TBC1D2B: variants seen among roughly 807,000 people sequenced by gnomAD.
TBC1D2B encodes TBC1 domain family, member 2B.
TBC1D2B carries 64 observed loss-of-function variants against 100.8 expected under a neutral mutation model. The ratio of observed to expected loss-of-function variants is 0.64; its 90% CI spans 0.52 to 0.78. The LOEUF is 0.78. TBC1D2B is among the 30% of genes least tolerant of loss of function. The pLI, the probability that TBC1D2B is intolerant of heterozygous loss-of-function variation, is 0.00. For synonymous variants in TBC1D2B, 480 were observed against 479.7 expected (o/e 1.00, Z -0.01); for missense variants, 1,052 against 1,218.4 (o/e 0.86, Z 2.03).
At chr15:78,060,267 T>C (rs930584738) in intron 1 of TBC1D2B, among the ~76,000 whole-genome samples, 1 of 152,158 alleles carries the variant, frequency 6.6e-6, no homozygotes, top group African/African-American at 2.4e-5. Context: ...AAGCAAACAT[T>C]TTCCTTTATG....
At chr15:78,005,515 G>A (rs896807019) in intron 10 of TBC1D2B, among the ~76,000 whole-genome samples, 7 of 152,184 alleles carry the variant, frequency 4.6e-5, no homozygotes, top group Non-Finnish European at 7.3e-5. Context: ...AATGGCCATC[G>A]ATAAGTGGGA....
chr15:78,016,981 C>T (rs2072393568), intron 7 of TBC1D2B: 2 of 436,476 alleles, frequency 4.6e-6, no homozygotes, highest in Admixed American at 4.1e-5. Flanking sequence ...TGGATGCCAA[C>T]AAATGCATCA....
At chr15:77,999,376 A>G in intron 12 of TBC1D2B, 1 of 439,148 alleles carries the variant, frequency 2.3e-6, no homozygotes, top group Non-Finnish European at 4.7e-6. Context: ...TATGTTTCAA[A>G]ACACCCACTA....
chr15:78,009,753 T>C (rs1195557033), intron 9 of TBC1D2B, among the ~76,000 whole-genome samples: 1 of 152,152 alleles, frequency 6.6e-6, no homozygotes, highest in Non-Finnish European at 1.5e-5. Flanking sequence ...GGCGGGCAGA[T>C]CACGAGGTCA....
chr15:78,021,002 C>T lies in TBC1D2B; in HGVS notation c.1471-3045G>A, dbSNP rs530864661. On this transcript the variant is annotated intron_variant, in intron 6 of 12. Coordinates refer to ENST00000300584, the MANE Select transcript of TBC1D2B (RefSeq NM_144572.2). ...GGCCACAGTGTTGAATGGAACAATC[C>T]GAAAGTCCATACACTTCAAAAATGG... Among the ~76,000 whole-genome samples, 50 of 152,182 alleles carry T rather than the reference C, an allele frequency of 3.3e-4. 1 individual carries two copies. Among genetic ancestry groups the T allele is most frequent in the African/African-American group, 1.1e-3 (44 of 41,502 alleles).
chr15:78,039,204 C>T (rs571718507), intron 3 of TBC1D2B, among the ~76,000 whole-genome samples: 34 of 152,312 alleles, frequency 2.2e-4, no homozygotes, highest in Admixed American at 2.2e-3. Flanking sequence ...TCACAAGTAC[C>T]ACATTACGGC....
In TBC1D2B at chr15:78,003,538, C is replaced by T. The variant is rs373947532; in HGVS notation, c.2389-48G>A. The stretch of plus-strand genomic sequence containing the variant: ...AAGTGTATCAGGCCTGCCAGGTCAC[C>T]GGGTAAGCAGACGAGCAGACGCGCA... On this transcript the variant is annotated intron_variant, in intron 10 of 12. Coordinates refer to ENST00000300584, the MANE Select transcript of TBC1D2B (RefSeq NM_144572.2). The T allele has an allele frequency of 2.0e-4, 295 of 1,505,428 alleles. 1 individual carries two copies. Among genetic ancestry groups the T allele is most frequent in the Non-Finnish European group, 2.5e-4 (276 of 1,089,090 alleles). 93.3% of individuals were successfully genotyped at this position (1,505,428 alleles called of 1,614,324 possible). A position where few individuals can be genotyped will look rare whatever the true frequency, so the allele number is the denominator to read the frequency against.
chr15:78,057,342 C>CA lies in TBC1D2B; in HGVS notation c.361-3156dup, dbSNP rs946995888. On this transcript the variant is annotated intron_variant, in intron 1 of 12. Coordinates refer to ENST00000300584, the MANE Select transcript of TBC1D2B (RefSeq NM_144572.2). The stretch of plus-strand genomic sequence containing the variant: ...CTGATTAACTGGGTTTGTTTCCTTT[C>CA]AAAAAAAAAACCTAAACAGGCTGCT... Among the ~76,000 whole-genome samples, 196 of 148,188 alleles carry CA rather than the reference C, an allele frequency of 1.3e-3. 1 individual carries two copies. Among genetic ancestry groups the CA allele is most frequent in the African/African-American group, 3.8e-3 (152 of 40,508 alleles).
chr15:78,077,548 C>A lies in TBC1D2B; in HGVS notation c.105G>T (p.Ala35=). 6.8e-7 allele frequency: 1 copy of A among 1,468,446 alleles called. No individual in the cohort carries two copies. Among genetic ancestry groups the A allele is most frequent in the South Asian group, 1.3e-5 (1 of 76,480 alleles). The allele number at this position is 1,468,446 out of a possible 1,614,324, so 91.0% of individuals were successfully genotyped here. The change falls in exon 1 of 13, where the codon GCG becomes GCT. Residue 35 remains alanine (A), a synonymous_variant. Transcript: ENST00000300584. ...EPGAGPAREP[A]RLCGYLQKLS... is the part of the protein sequence containing the mutation. ...GCTTCTGCAGATAGCCACACAGCCG[C>A]GCTGGCTCCCGCGCCGGACCCGCCC...
chr15:78,075,414 G>A (rs1436584862), intron 1 of TBC1D2B, among the ~76,000 whole-genome samples: 1 of 152,070 alleles, frequency 6.6e-6, no homozygotes, highest in Non-Finnish European at 1.5e-5. Flanking sequence ...TAGCCAGGAT[G>A]GTCTCGAGCT....
At chr15:78,005,024 T>C (rs753846744) in intron 10 of TBC1D2B, among the ~76,000 whole-genome samples, 1 of 152,170 alleles carries the variant, frequency 6.6e-6, no homozygotes, top group East Asian at 1.9e-4. Context: ...CTAATGATGA[T>C]GTAATTCATT....
At chr15:78,067,591 C>A (rs527304831) in intron 1 of TBC1D2B, among the ~76,000 whole-genome samples, 2 of 152,248 alleles carry the variant, frequency 1.3e-5, no homozygotes, top group Non-Finnish European at 2.9e-5. Context: ...CACGGCCAGG[C>A]CTGCCATCTG....
intron 3 of TBC1D2B, among the ~76,000 whole-genome samples, chr15:78,044,495 T>C (rs958382536): frequency 2.6e-5 from 4 of 151,980 alleles, no homozygotes; most frequent in Admixed American, 6.5e-5. Flanking sequence ...AAACAGAGAA[T>C]GGAAATCCAG....
At chr15:78,010,458 G>C (rs2072194516) in intron 9 of TBC1D2B, among the ~76,000 whole-genome samples, 1 of 152,046 alleles carries the variant, frequency 6.6e-6, no homozygotes, top group African/African-American at 2.4e-5. Flanking sequence ...CCATTTCTCA[G>C]AATATTTTTC....
At chr15:78,046,611 C>T (rs2073200768) in intron 2 of TBC1D2B, among the ~76,000 whole-genome samples, 1 of 152,026 alleles carries the variant, frequency 6.6e-6, no homozygotes, top group Admixed American at 6.6e-5. Context: ...GGACTACAGG[C>T]ACGCACGATG....
In TBC1D2B at chr15:78,030,030, T is replaced by G. The variant is rs1245534319; in HGVS notation, c.824A>C (p.Lys275Thr). 7 of 1,608,726 alleles carry G rather than the reference T, an allele frequency of 4.4e-6. No homozygotes were observed. In the East Asian group the frequency reaches 1.3e-4, roughly 31 times the overall value. The change falls in exon 4 of 13, where the codon AAG becomes ACG. Residue 275 changes from lysine to threonine, a missense_variant. Physicochemically the swap from Lys to Thr is moderately conservative, Grantham distance 78. Coordinates refer to ENST00000300584, the MANE Select transcript of TBC1D2B (RefSeq NM_144572.2). ...ACCTTTGTTTCCTTCAGGGGTCAGC[T>G]TCTTCTTTTCTTCCTGTACTATGGA... ...EESIVQEEKK[K>T]LTPEGNKGVT...
chr15:78,038,447 C>T (rs1391719528), intron 3 of TBC1D2B, among the ~76,000 whole-genome samples: 1 of 152,152 alleles, frequency 6.6e-6, no homozygotes, highest in African/African-American at 2.4e-5. Flanking sequence ...AAGACATACA[C>T]CTGAAGAACT....
chr15:78,034,482 C>T (rs1452411965), intron 3 of TBC1D2B: 1 of 985,166 alleles, frequency 1.0e-6, no homozygotes, highest in Non-Finnish European at 1.2e-6. Context: ...TACCATTTGC[C>T]CTAGCTGTCA....
At position 78,054,044 on chromosome 15, in the gene TBC1D2B, T is replaced by G. The variant is rs2073368978; in HGVS notation, c.504A>C (p.Arg168Ser). Residue 168 changes from arginine to serine, a missense_variant, in exon 2 of 13, where the codon AGA (arginine) becomes AGC (serine). Arg to Ser is a moderately radical substitution (Grantham distance 110). Around this residue, in one of 4 missense-constraint regions of TBC1D2B, gnomAD observed 627 missense variants for 646.1 expected, o/e 0.97. Coordinates refer to ENST00000300584, the MANE Select transcript of TBC1D2B (RefSeq NM_144572.2). ...PGDFPKGLVA[R>S]DNTDLIYPHP... ...TTATTTCTGCCTTACCAGTGTTATC[T>G]CTGGCTACAAGACCCTTAGGAAAAT... is the stretch of plus-strand genomic sequence containing the variant. The G allele has an allele frequency of 2.5e-6, 4 of 1,612,858 alleles. No individual in the cohort carries two copies. The Admixed American group carries it at 6.7e-5, about 27-fold the overall frequency.
Sources: allele counts gnomAD v4.1 joint callset (sites outside exome capture counted in the v4.1 genomes callset), GRCh38; gene constraint gnomAD v4.1.1; regional missense constraint gnomAD v4.1.1; transcripts MANE v1.5; gene names NCBI Gene and HGNC (gene_info 2026-07-23, HGNC 2026-07-21).